CFAP69: variants seen among roughly 807,000 people sequenced by gnomAD.
CFAP69 encodes the protein cilia- and flagella-associated protein 69.
In CFAP69, 92 loss-of-function variants were observed where a neutral mutation model predicts 123.0. The ratio of observed to expected loss-of-function variants is 0.75; its 90% CI spans 0.63 to 0.89. The LOEUF (loss-of-function observed/expected upper bound fraction) is 0.89, where lower values mean the gene tolerates loss of function less well. CFAP69 is among the 40% of genes least tolerant of loss of function. The probability of loss-of-function intolerance (pLI) is 0.00; values close to 1 mark genes in which losing one functional copy is unlikely to be tolerated. For missense variants in CFAP69, 1,067 were observed against 1,096.9 expected, an observed-to-expected ratio of 0.97 and a Z score of 0.39; for synonymous variants, 380 against 364.3, an observed-to-expected ratio of 1.04 and a Z score of -0.49.
At chr7:90,248,538 G>C (rs1796591921) in intron 1 of CFAP69, among the ~76,000 whole-genome samples, 2 of 152,098 alleles carry the variant, frequency 1.3e-5, no homozygotes, top group African/African-American at 2.4e-5. Context: ...TTCTCTGATA[G>C]AATTATGGAA....
intron 18 of CFAP69, 124 bp from the exon 19 acceptor site, chr7:90,304,620 A>G: frequency 6.9e-7 from 1 of 1,452,980 alleles, no homozygotes. Context: ...ATCAAAAGTA[A>G]CTTTGCATTT....
chr7:90,258,136 A>T lies in CFAP69; in HGVS notation c.219A>T (p.Lys73Asn), dbSNP rs2116684774. ...AAAAACAACTTAAATTTGTCAAGAA[A>T]CTGGTACAGTGTTATCAGAATGGAC... ...LEEKQLKFVKKLVQCYQNGLP... is the reference protein window; with the variant it reads ...LEEKQLKFVKNLVQCYQNGLP... The change falls in exon 3 of 23, where the codon AAA becomes AAT. Residue 73 changes from lysine to asparagine, a missense_variant. Coordinates refer to ENST00000389297, the MANE Select transcript of CFAP69 (RefSeq NM_001039706.3). The T allele has an allele frequency of 6.2e-7, 1 of 1,610,822 alleles. No individual in the cohort carries two copies. Among genetic ancestry groups the T allele is most frequent in the East Asian group, 2.2e-5 (1 of 44,736 alleles).
intron 17 of CFAP69, chr7:90,300,551 A>C: frequency 1.8e-6 from 1 of 562,356 alleles, no homozygotes; most frequent in Non-Finnish European, 2.3e-6. Context: ...AATGTTCAAA[A>C]ATTTTAATTA....
chr7:90,266,314 G>C (rs145102994), intron 5 of CFAP69: 1 of 152,158 alleles, frequency 6.6e-6, no homozygotes, highest in African/African-American at 2.4e-5. Context: ...GTGTTGTTGA[G>C]ATTAGGTTAA....
intron 16 of CFAP69, among the ~76,000 whole-genome samples, chr7:90,298,381 C>T (rs896416027): frequency 6.6e-6 from 1 of 152,170 alleles, no homozygotes; most frequent in Non-Finnish European, 1.5e-5. Flanking sequence ...AATATAGCCC[C>T]TTACTAGCCT....
At chr7:90,292,470 A>G (rs1485657558) in intron 15 of CFAP69, among the ~76,000 whole-genome samples, 1 of 152,224 alleles carries the variant, frequency 6.6e-6, no homozygotes, top group Non-Finnish European at 1.5e-5. Flanking sequence ...TCAAAGCCTT[A>G]GTAAAATAAT....
At chr7:90,269,009 G>T (rs1799563424) in intron 6 of CFAP69, 1 of 151,614 alleles carries the variant, frequency 6.6e-6, no homozygotes, top group Admixed American at 6.6e-5. Context: ...GGAAATAAGT[G>T]TCTGTGGTAG....
rs1200107595 is a variant in CFAP69 at position 90,283,041 on chromosome 7, A to G, written c.1522A>G (p.Ile508Val). ...CAAAGATCTTTGTGAAAAGGGAACA[A>G]TTCAGCAAATGATAGGTAAAATATA... ...VNKDLCEKGTIQQMIGIFKNI... is the reference protein window; with the variant it reads ...VNKDLCEKGTVQQMIGIFKNI... Residue 508 changes from isoleucine (I) to valine (V), a missense_variant, in exon 13 of 23, where the codon ATT becomes GTT. Transcript: ENST00000389297. 4 of 1,560,386 alleles carry G rather than the reference A, an allele frequency of 2.6e-6. No homozygotes were observed. Among genetic ancestry groups the G allele is most frequent in the Middle Eastern group, 1.7e-4 (1 of 5,880 alleles).
At chr7:90,254,761 T>C (rs761652087) in intron 1 of CFAP69, among the ~76,000 whole-genome samples, 3 of 152,120 alleles carry the variant, frequency 2.0e-5, no homozygotes, top group Non-Finnish European at 4.4e-5. Flanking sequence ...TGGGGAGTCA[T>C]TGAATAGTTT....
chr7:90,266,124 T>C (rs1350597182), intron 5 of CFAP69: 5 of 152,130 alleles, frequency 3.3e-5, no homozygotes, highest in Non-Finnish European at 7.4e-5. Context: ...AATAATGATG[T>C]TCCCAGCATT....
At chr7:90,303,301 C>CT (rs368435765) in intron 17 of CFAP69, 2,439 of 145,450 alleles carry the variant, frequency 0.017, 29 homozygotes, top group Middle Eastern at 0.037. Context: ...TGTTTGGATG[C>CT]TTTTTTTTTT....
rs767357783 is a variant in CFAP69 at position 90,262,040 on chromosome 7, A to T, written c.340A>T (p.Ile114Phe). The T allele has an allele frequency of 6.3e-7, 1 of 1,582,126 alleles. No homozygotes were observed. Among genetic ancestry groups the T allele is most frequent in the Admixed American group, 1.9e-5 (1 of 54,006 alleles). The change falls in exon 4 of 23, where the codon ATC becomes TTC. Residue 114 changes from isoleucine (I) to phenylalanine (F), a missense_variant. Coordinates refer to ENST00000389297, the MANE Select transcript of CFAP69 (RefSeq NM_001039706.3). The stretch of plus-strand genomic sequence containing the variant: ...TCGTTTTATAGAATCTGCATATGAT[A>T]TCATAAAACTGTGTGGGTAAGTTAT... Reference protein sequence around the residue: ...QPRFIESAYDIIKLCGLPFLK... With the variant: ...QPRFIESAYDFIKLCGLPFLK...
chr7:90,304,302 A>G (rs1441198889), intron 18 of CFAP69, 196 bp downstream of exon 18: 4 of 1,301,188 alleles, frequency 3.1e-6, no homozygotes, highest in Admixed American at 3.7e-5. Context: ...GATCCAGGCA[A>G]TAGTATTTTT....
intron 17 of CFAP69, 195 bp from the exon 18 acceptor site, chr7:90,303,774 A>C (rs546427183): frequency 1.7e-6 from 2 of 1,167,042 alleles, no homozygotes; most frequent in South Asian, 8.3e-5. Context: ...GAAGGCTCTA[A>C]GTTTTGCCAC....
intron 9 of CFAP69, among the ~76,000 whole-genome samples, chr7:90,275,273 A>G (rs1788413949): frequency 6.6e-6 from 1 of 152,132 alleles, no homozygotes; most frequent in Non-Finnish European, 1.5e-5. Flanking sequence ...TTTAATAACT[A>G]CATATTTAAC....
intron 5 of CFAP69, among the ~76,000 whole-genome samples, chr7:90,266,667 C>T (rs888291024): frequency 1.3e-5 from 2 of 151,964 alleles, no homozygotes; most frequent in African/African-American, 4.8e-5. Flanking sequence ...CATATGACAA[C>T]AGTATGAACT....
intron 4 of CFAP69, among the ~76,000 whole-genome samples, chr7:90,264,943 G>A (rs1010968710): frequency 2.6e-5 from 4 of 151,986 alleles, no homozygotes; most frequent in East Asian, 3.9e-4. Flanking sequence ...ACAGGTGCAC[G>A]CCACCATGCC....
At chr7:90,304,227 T>G in intron 18 of CFAP69, 121 bp downstream of exon 18, 1 of 1,395,010 alleles carries the variant, frequency 7.2e-7, no homozygotes, top group Non-Finnish European at 9.3e-7. Flanking sequence ...GAAATTCATT[T>G]TCCATTGTTA....
rs986866291 is a variant in CFAP69, at chr7:90,248,205, T to C, written c.120+2661T>C. 2.3e-4 allele frequency among the ~76,000 whole-genome samples: 35 copies of C among 152,240 alleles called. 1 individual carries two copies. Among genetic ancestry groups the C allele is most frequent in the Non-Finnish European group, 1.5e-5 (1 of 68,038 alleles). On this transcript the variant is annotated intron_variant, in intron 1 of 22. Transcript: ENST00000389297. ...CCTAATATAGAAATGCTACTTTGGC[T>C]ACCTGGGCTTTTGATAGCTGTTTTA...
Sources: allele counts gnomAD v4.1 joint callset (sites outside exome capture counted in the v4.1 genomes callset), GRCh38; gene constraint gnomAD v4.1.1; transcripts MANE v1.5; gene names NCBI Gene and HGNC (gene_info 2026-07-23, HGNC 2026-07-21).